AGBL4: variants seen among roughly 807,000 people sequenced by gnomAD.
AGBL4 encodes the protein cytosolic carboxypeptidase 6.
In AGBL4, 58 loss-of-function variants were observed where a neutral mutation model predicts 66.4. The observed-to-expected ratio is 0.87, with a 90% confidence interval of 0.71 to 1.09. AGBL4 has a LOEUF of 1.09. Among genes scored for constraint, AGBL4 ranks in the 50% least tolerant of loss-of-function variants. AGBL4 has a pLI of 0.00. For synonymous variants in AGBL4, 234 were observed against 222.9 expected (o/e 1.05, Z -0.44); for missense variants, 579 against 631.0 (o/e 0.92, Z 0.88).
chr1:49,976,497 G>T (rs1658569631), intron 1 of AGBL4, among the ~76,000 whole-genome samples: 1 of 152,158 alleles, frequency 6.6e-6, no homozygotes, highest in Non-Finnish European at 1.5e-5. Context: ...AAAATCACTG[G>T]GTAGCCCATT....
rs139447744 is a variant in AGBL4, at chr1:48,930,860, T to C, written c.595-63630A>G. ...CTATAATGATTTGTTAGATGTCTTT[T>C]ATGGGTCCTGCAGGCACTATGGCAG... On this transcript the variant is annotated intron_variant, in intron 5 of 13. Transcript: ENST00000371839. 2.0e-3 allele frequency among the ~76,000 whole-genome samples: 299 copies of C among 152,316 alleles called. 1 individual carries two copies. The highest frequency in any genetic ancestry group is 6.8e-3 in the African/African-American group (283 of 41,578).
At chr1:48,581,458 G>A (rs1432990456) in intron 11 of AGBL4, among the ~76,000 whole-genome samples, 1 of 152,172 alleles carries the variant, frequency 6.6e-6, no homozygotes, top group Non-Finnish European at 1.5e-5. Flanking sequence ...CATCCATTAT[G>A]TCAAAGAGCT....
intron 6 of AGBL4, among the ~76,000 whole-genome samples, chr1:48,801,138 G>C (rs1206025186): frequency 6.6e-6 from 1 of 152,168 alleles, no homozygotes; most frequent in African/African-American, 2.4e-5. Flanking sequence ...CTCCCACACA[G>C]CCAGCAAGGC....
intron 1 of AGBL4, among the ~76,000 whole-genome samples, chr1:49,871,025 A>G (rs530963218): frequency 2.0e-5 from 3 of 152,194 alleles, no homozygotes; most frequent in South Asian, 4.1e-4. Context: ...ATTCAACCCC[A>G]CTAGGCCCAG....
intron 4 of AGBL4, among the ~76,000 whole-genome samples, chr1:49,233,298 T>A (rs1008397792): frequency 2.6e-5 from 4 of 152,244 alleles, no homozygotes; most frequent in Non-Finnish European, 5.9e-5. Context: ...CTGATTTAAT[T>A]ATCATGCTTA....
intron 9 of AGBL4, among the ~76,000 whole-genome samples, chr1:48,597,030 T>A (rs1445427156): frequency 6.6e-6 from 1 of 152,140 alleles, no homozygotes; most frequent in Non-Finnish European, 1.5e-5. Flanking sequence ...ACTCTGGGCT[T>A]TTGTGTCTAT....
At chr1:49,260,870 G>C (rs1012328188) in intron 3 of AGBL4, among the ~76,000 whole-genome samples, 23 of 151,160 alleles carry the variant, frequency 1.5e-4, no homozygotes, top group East Asian at 3.9e-4. Context: ...GAGAATTTTA[G>C]ACCAATATCC....
chr1:49,412,085 A>T (rs180734821), intron 3 of AGBL4, among the ~76,000 whole-genome samples: 4 of 152,154 alleles, frequency 2.6e-5, no homozygotes, highest in African/African-American at 9.6e-5. Flanking sequence ...TGCTAGTTTT[A>T]TTTTTCTTTT....
At chr1:49,223,263 T>C (rs1649640532) in intron 4 of AGBL4, among the ~76,000 whole-genome samples, 1 of 152,034 alleles carries the variant, frequency 6.6e-6, no homozygotes, top group African/African-American at 2.4e-5. Context: ...AAATATTGAA[T>C]AACAGGAGAG....
chr1:49,816,692 T>A (rs550538044), intron 2 of AGBL4, among the ~76,000 whole-genome samples: 2 of 152,208 alleles, frequency 1.3e-5, no homozygotes, highest in Admixed American at 6.5e-5. Context: ...ACAATACCAA[T>A]GAAAATAATG....
At chr1:48,885,754 A>C (rs1002643414) in intron 5 of AGBL4, among the ~76,000 whole-genome samples, 19 of 152,162 alleles carry the variant, frequency 1.2e-4, no homozygotes, top group Non-Finnish European at 2.1e-4. Flanking sequence ...GAGGCTCCCC[A>C]CTGAGATAAG....
chr1:49,079,235 C>A (rs1644763892), intron 4 of AGBL4, among the ~76,000 whole-genome samples: 1 of 152,160 alleles, frequency 6.6e-6, no homozygotes, highest in African/African-American at 2.4e-5. Flanking sequence ...TACAAAGCCA[C>A]TTTTAAAGTC....
At chr1:48,589,692 A>T (rs1644882465) in intron 10 of AGBL4, among the ~76,000 whole-genome samples, 1 of 152,188 alleles carries the variant, frequency 6.6e-6, no homozygotes, top group South Asian at 2.1e-4. Flanking sequence ...CTGCCTGCAA[A>T]GAACTTTTAT....
In AGBL4 at chr1:49,740,711, C is replaced by G. The variant is rs1349077442; in HGVS notation, c.158-43274G>C. 2.0e-5 allele frequency among the ~76,000 whole-genome samples: 3 copies of G among 152,182 alleles called. No individual in the cohort carries two copies. In the East Asian group the frequency reaches 5.8e-4, roughly 29 times the overall value. On this transcript the variant is annotated intron_variant, in intron 2 of 13. Transcript: ENST00000371839. ...TTATAACAAACTGTCTCTCAGACCA[C>G]AGTGCAATCAAACTAGAACTCAGGA... is the stretch of plus-strand genomic sequence containing the variant.
chr1:48,603,319 A>C (rs981107071), intron 9 of AGBL4, among the ~76,000 whole-genome samples: 3 of 152,016 alleles, frequency 2.0e-5, no homozygotes, highest in Admixed American at 6.6e-5. Flanking sequence ...AAAATACAAA[A>C]ATTAGCTGAG....
chr1:48,839,343 GTA>G (rs1348121270), intron 6 of AGBL4, among the ~76,000 whole-genome samples: 2 of 151,996 alleles, frequency 1.3e-5, no homozygotes, highest in Non-Finnish European at 2.9e-5. Flanking sequence ...AAATGTGTGT[GTA>G]TATATACACA....
At chr1:48,769,141 G>A (rs1191477962) in intron 6 of AGBL4, among the ~76,000 whole-genome samples, 1 of 152,214 alleles carries the variant, frequency 6.6e-6, no homozygotes, top group Non-Finnish European at 1.5e-5. Context: ...CCGCTGGCCA[G>A]TCACAGGGAC....
intron 1 of AGBL4, among the ~76,000 whole-genome samples, chr1:49,902,855 T>C (rs990567580): frequency 6.6e-6 from 1 of 152,174 alleles, no homozygotes; most frequent in Non-Finnish European, 1.5e-5. Flanking sequence ...AAAAATAACA[T>C]GTTTGCAAGG....
chr1:49,675,886 T>C lies in AGBL4; in HGVS notation c.282+21427A>G, dbSNP rs548386430. Among the ~76,000 whole-genome samples the C allele has an allele frequency of 6.6e-5, 10 of 152,196 alleles. No individual in the cohort carries two copies. The East Asian group carries it at 1.9e-3, about 29-fold the overall frequency. On this transcript the variant is annotated intron_variant, in intron 3 of 13. Transcript: ENST00000371839. Reference sequence around the variant, plus strand: ...CTGAATCTGAAGGAAGGCAGTGATTTGCACAAAGTTCTACTGCAAATTAGT... The same window carrying C: ...CTGAATCTGAAGGAAGGCAGTGATTCGCACAAAGTTCTACTGCAAATTAGT...
Sources: gnomAD v4.1 joint callset for allele counts (sites outside exome capture counted in the v4.1 genomes callset) on GRCh38, gnomAD v4.1.1 for gene constraint, MANE v1.5 for transcripts, NCBI Gene and HGNC (gene_info 2026-07-23, HGNC 2026-07-21) for gene names.